The following SAMD3 variants were observed in gnomAD, a reference collection of about 807,000 sequenced individuals.
SAMD3 encodes sterile alpha motif domain-containing protein 3.
A neutral mutation model predicts 58.5 loss-of-function variants in SAMD3; 63 were observed. The ratio of observed to expected loss-of-function variants is 1.08; its 90% confidence interval spans 0.88 to 1.33. SAMD3 has a LOEUF of 1.33. Ranked by LOEUF, SAMD3 falls within the 40% of genes most tolerant of loss-of-function variation. SAMD3 has a pLI of 0.00. For synonymous variants in SAMD3, 220 were observed against 210.3 expected (o/e 1.05, Z -0.40); for missense variants, 604 against 608.4 (o/e 0.99, Z 0.08).
intron 1 of SAMD3, among the ~76,000 whole-genome samples, chr6:130,317,953 G>A (rs575847176): frequency 2.6e-5 from 4 of 152,298 alleles, no homozygotes; most frequent in African/African-American, 7.2e-5. Flanking sequence ...GGTGGCTAGA[G>A]GCCACAGAGT....
At chr6:130,260,459 T>C (rs1261699952) in intron 2 of SAMD3, among the ~76,000 whole-genome samples, 2 of 152,144 alleles carry the variant, frequency 1.3e-5, no homozygotes, top group Non-Finnish European at 2.9e-5. Flanking sequence ...CGGACCCCCA[T>C]AGAGTTGTGA....
At chr6:130,307,336 T>A (rs1040812550) in intron 2 of SAMD3, among the ~76,000 whole-genome samples, 13 of 105,656 alleles carry the variant, frequency 1.2e-4, no homozygotes, top group Non-Finnish European at 1.9e-4. Flanking sequence ...AGGTCCCACA[T>A]TTTTATTTTG....
chr6:130,308,363 CTATTCTATTCTATTCTATTCTATTCT>C (rs1775987233), intron 2 of SAMD3, among the ~76,000 whole-genome samples: 8 of 52,292 alleles, frequency 1.5e-4, no homozygotes, highest in Admixed American at 5.6e-4. Context: ...CTATTCTATT[CTATTCTATTCTATTCTATTCTATTCT>C]ATTCTATTCT....
chr6:130,359,496 C>A (rs1484388044), intron 1 of SAMD3, among the ~76,000 whole-genome samples: 1 of 152,178 alleles, frequency 6.6e-6, no homozygotes, highest in South Asian at 2.1e-4. Flanking sequence ...GAAGTCTCTG[C>A]ATCTTTCAGA....
intron 2 of SAMD3, among the ~76,000 whole-genome samples, chr6:130,304,238 C>T (rs1281830162): frequency 1.3e-5 from 2 of 152,142 alleles, no homozygotes; most frequent in African/African-American, 2.4e-5. Flanking sequence ...GATGTGATCT[C>T]GGCTTACTGC....
At chr6:130,329,613 C>T (rs1031163236) in intron 1 of SAMD3, among the ~76,000 whole-genome samples, 2 of 152,126 alleles carry the variant, frequency 1.3e-5, no homozygotes, top group Admixed American at 6.5e-5. Flanking sequence ...GACACATGCA[C>T]ACTTATGTTT....
intron 8 of SAMD3, among the ~76,000 whole-genome samples, chr6:130,155,970 A>G (rs1427800580): frequency 1.3e-5 from 2 of 152,168 alleles, no homozygotes; most frequent in Non-Finnish European, 2.9e-5. Context: ...ACCAAGAAAG[A>G]CTTGAGGGTT....
intron 9 of SAMD3, among the ~76,000 whole-genome samples, chr6:130,150,457 T>G (rs1322830448): frequency 6.6e-6 from 1 of 151,842 alleles, no homozygotes; most frequent in Non-Finnish European, 1.5e-5. Context: ...TAGTGGGGAG[T>G]CTGGATTAAA....
chr6:130,283,434 A>G (rs1220384163), intron 2 of SAMD3, among the ~76,000 whole-genome samples: 1 of 152,200 alleles, frequency 6.6e-6, no homozygotes, highest in African/African-American at 2.4e-5. Flanking sequence ...AAAATAAATC[A>G]CACATAGAGC....
intron 2 of SAMD3, among the ~76,000 whole-genome samples, chr6:130,264,892 C>T (rs1451690230): frequency 6.6e-6 from 1 of 152,024 alleles, no homozygotes; most frequent in Admixed American, 6.5e-5. Context: ...TTAACCCAGA[C>T]TGTAGGGCGC....
intron 2 of SAMD3, among the ~76,000 whole-genome samples, chr6:130,242,473 G>A (rs952360521): frequency 6.6e-6 from 1 of 152,202 alleles, no homozygotes; most frequent in Admixed American, 6.5e-5. Context: ...GGGAAAACAC[G>A]ATCATGGATA....
chr6:130,184,843 G>GA (rs1185227882), intron 5 of SAMD3, among the ~76,000 whole-genome samples: 3 of 152,194 alleles, frequency 2.0e-5, no homozygotes, highest in African/African-American at 7.2e-5. Context: ...GTATTCTTTA[G>GA]AAAAAGTCAT....
At chr6:130,169,458 T>C (rs9492471) in intron 8 of SAMD3, among the ~76,000 whole-genome samples, 35,240 of 152,154 alleles carry the variant, frequency 0.23, 5,338 homozygotes, top group African/African-American at 0.43. Context: ...AAATCCTTAC[T>C]AATTAGATTT....
intron 8 of SAMD3, among the ~76,000 whole-genome samples, chr6:130,162,727 G>A (rs1050159612): frequency 6.6e-6 from 1 of 152,156 alleles, no homozygotes; most frequent in East Asian, 1.9e-4. Context: ...ATTGTGGACT[G>A]TAGCTTCTGA....
At chr6:130,186,732 C>T (rs1410663000) in intron 5 of SAMD3, among the ~76,000 whole-genome samples, 1 of 151,318 alleles carries the variant, frequency 6.6e-6, no homozygotes, top group Non-Finnish European at 1.5e-5. Flanking sequence ...AAAGTAATGG[C>T]CAGTTTTGTT....
At chr6:130,348,355 T>C (rs1386368041) in intron 1 of SAMD3, among the ~76,000 whole-genome samples, 1 of 152,052 alleles carries the variant, frequency 6.6e-6, no homozygotes, top group Non-Finnish European at 1.5e-5. Flanking sequence ...GAGACACACA[T>C]AGGCTCAAAA....
chr6:130,362,715 A>G (rs1778022629), intron 1 of SAMD3, among the ~76,000 whole-genome samples: 1 of 152,244 alleles, frequency 6.6e-6, no homozygotes, highest in African/African-American at 2.4e-5. Flanking sequence ...TATCTAATAC[A>G]GAATTTATAA....
intron 1 of SAMD3, among the ~76,000 whole-genome samples, chr6:130,362,359 G>T (rs1778013184): frequency 6.6e-6 from 1 of 152,224 alleles, no homozygotes. Flanking sequence ...AGGCACTAAC[G>T]AAAGAATGAC....
chr6:130,306,558 G>T (rs200038394), intron 2 of SAMD3, among the ~76,000 whole-genome samples: 1 of 105,550 alleles, frequency 9.5e-6, no homozygotes, highest in Non-Finnish European at 2.1e-5. Flanking sequence ...TGAACCGACA[G>T]AAATTAGAAA....
Sources: allele counts gnomAD v4.1 joint callset (sites outside exome capture counted in the v4.1 genomes callset), GRCh38; gene constraint gnomAD v4.1.1; transcripts MANE v1.5; gene names NCBI Gene and HGNC (gene_info 2026-07-23, HGNC 2026-07-21).